Variants in GNG2 observed in about 807,000 individuals in gnomAD.
GNG2 encodes G protein subunit gamma 2.
A neutral mutation model predicts 5.5 loss-of-function variants in GNG2; 5 were observed. The observed-to-expected ratio is 0.91, with a 90% CI of 0.48 to 1.92. The LOEUF (loss-of-function observed/expected upper bound fraction) is 1.92. Ranked by LOEUF, GNG2 falls within the 30% of genes most tolerant of loss-of-function variation. The pLI, the probability that GNG2 is intolerant of heterozygous loss-of-function variation, is 0.01. For missense variants in GNG2, 55 were observed against 88.4 expected (o/e 0.62, Z 1.52); for synonymous variants, 28 against 32.0 (o/e 0.88, Z 0.42).
At chr14:51,845,082 T>TA (rs980918852) in intron 2 of GNG2, among the ~76,000 whole-genome samples, 14 of 152,244 alleles carry the variant, frequency 9.2e-5, no homozygotes, top group African/African-American at 2.7e-4. Flanking sequence ...TTAAAATAGA[T>TA]AAAAAACACT....
intron 2 of GNG2, among the ~76,000 whole-genome samples, chr14:51,936,431 T>G (rs754556161): frequency 2.0e-5 from 3 of 151,574 alleles, no homozygotes; most frequent in Non-Finnish European, 4.4e-5. Context: ...GGTGGCTAAA[T>G]AGCTTCTTAA....
chr14:51,837,104 C>T (rs2140074272), intron 2 of GNG2, among the ~76,000 whole-genome samples: 1 of 151,996 alleles, frequency 6.6e-6, no homozygotes, highest in African/African-American at 2.4e-5. Flanking sequence ...GGTGATCCAC[C>T]CGCCTTGGCC....
intron 2 of GNG2, among the ~76,000 whole-genome samples, chr14:51,901,421 T>C (rs1885548067): frequency 6.6e-6 from 1 of 151,928 alleles, no homozygotes; most frequent in Non-Finnish European, 1.5e-5. Flanking sequence ...TCAAAACTCC[T>C]GGGCTCAAGC....
intron 2 of GNG2, among the ~76,000 whole-genome samples, chr14:51,908,302 C>T (rs1467582904): frequency 6.6e-6 from 1 of 152,142 alleles, no homozygotes; most frequent in Non-Finnish European, 1.5e-5. Context: ...TTTGTAATGT[C>T]ATTTTAGAAG....
chr14:51,905,696 G>A (rs930000127), intron 2 of GNG2, among the ~76,000 whole-genome samples: 3 of 152,184 alleles, frequency 2.0e-5, no homozygotes, highest in Non-Finnish European at 4.4e-5. Flanking sequence ...ATCTCATCTT[G>A]AGTTGTAGTT....
intron 2 of GNG2, among the ~76,000 whole-genome samples, chr14:51,908,563 C>CTATCTATCT (rs1886093676): frequency 2.8e-5 from 2 of 70,918 alleles, no homozygotes; most frequent in South Asian, 5.4e-4. Context: ...TCTATCTATC[C>CTATCTATCT]ATATATATAG....
intron 2 of GNG2, among the ~76,000 whole-genome samples, chr14:51,903,726 A>C (rs993211799): frequency 1.3e-5 from 2 of 152,190 alleles, no homozygotes; most frequent in South Asian, 2.1e-4. Context: ...AATCCTTAGA[A>C]GATGGCAGGG....
At chr14:51,940,809 G>A (rs1888275047) in intron 2 of GNG2, among the ~76,000 whole-genome samples, 1 of 152,178 alleles carries the variant, frequency 6.6e-6, no homozygotes, top group Non-Finnish European at 1.5e-5. Context: ...TCAGGTCAAA[G>A]TGATGAACTG....
At chr14:51,890,173 A>C (rs1008020757) in intron 2 of GNG2, among the ~76,000 whole-genome samples, 1 of 152,202 alleles carries the variant, frequency 6.6e-6, no homozygotes, top group African/African-American at 2.4e-5. Flanking sequence ...GTCTTCCTTC[A>C]CCTGGTGAAA....
At chr14:51,840,475 A>C (rs1470371876) in intron 2 of GNG2, among the ~76,000 whole-genome samples, 1 of 152,326 alleles carries the variant, frequency 6.6e-6, no homozygotes, top group Admixed American at 6.5e-5. Flanking sequence ...AAAGTTGCCC[A>C]GTTCCCAGTT....
intron 1 of GNG2, among the ~76,000 whole-genome samples, chr14:51,869,193 G>T (rs1360291944): frequency 6.6e-6 from 1 of 152,216 alleles, no homozygotes; most frequent in Non-Finnish European, 1.5e-5. Flanking sequence ...ACTTTAGCTA[G>T]TTTTAAAAAT....
At chr14:51,885,916 G>A (rs1186846923) in intron 2 of GNG2, among the ~76,000 whole-genome samples, 3 of 152,058 alleles carry the variant, frequency 2.0e-5, no homozygotes, top group East Asian at 1.9e-4. Context: ...ATCTACTTGG[G>A]ATTATAATTT....
chr14:51,902,719 C>G (rs985128991), intron 2 of GNG2, among the ~76,000 whole-genome samples: 3 of 152,074 alleles, frequency 2.0e-5, no homozygotes, highest in Non-Finnish European at 4.4e-5. Flanking sequence ...TAGAGAGACA[C>G]TGTCTGTACA....
chr14:51,873,888 C>T (rs1220109346), intron 1 of GNG2: 1 of 152,236 alleles, frequency 6.6e-6, no homozygotes, highest in Non-Finnish European at 1.5e-5. Context: ...CTAGGTACGA[C>T]TCCTTTATCT....
intron 3 of GNG2, among the ~76,000 whole-genome samples, chr14:51,961,282 A>T (rs1889599476): frequency 6.6e-6 from 1 of 152,216 alleles, no homozygotes; most frequent in Non-Finnish European, 1.5e-5. Flanking sequence ...CTCTACAGGG[A>T]CAAGCATCTT....
chr14:51,871,198 A>G (rs1245826957), intron 1 of GNG2, among the ~76,000 whole-genome samples: 1 of 152,142 alleles, frequency 6.6e-6, no homozygotes, highest in Non-Finnish European at 1.5e-5. Flanking sequence ...TTTAGGGAAC[A>G]TTGCTGTGTA....
intron 1 of GNG2, among the ~76,000 whole-genome samples, chr14:51,865,169 A>G (rs547508276): frequency 1.1e-3 from 164 of 152,284 alleles, no homozygotes; most frequent in Non-Finnish European, 2.0e-3. Context: ...GCTGGGGGCC[A>G]GGGGTGGAGG....
chr14:51,931,613 G>A (rs75065699), intron 2 of GNG2, among the ~76,000 whole-genome samples: 2,237 of 152,204 alleles, frequency 0.015, 24 homozygotes, highest in Non-Finnish European at 0.024. Flanking sequence ...TGGGGATCAG[G>A]GAGATGAATC....
chr14:51,867,069 A>G (rs1882944953), intron 1 of GNG2, among the ~76,000 whole-genome samples: 2 of 152,160 alleles, frequency 1.3e-5, no homozygotes, highest in African/African-American at 4.8e-5. Flanking sequence ...GTTTTTCCAT[A>G]CGCACACAAA....
Sources: gnomAD v4.1 joint callset for allele counts (sites outside exome capture counted in the v4.1 genomes callset) on GRCh38, gnomAD v4.1.1 for gene constraint, MANE v1.5 for transcripts, NCBI Gene and HGNC (gene_info 2026-07-23, HGNC 2026-07-21) for gene names.